Variants in CUTC observed in about 807,000 individuals in gnomAD.
CUTC encodes cutC copper transporter.
In CUTC, 27 loss-of-function variants were observed where a neutral mutation model predicts 36.2. The observed-to-expected ratio is 0.75, with a 90% CI of 0.55 to 1.03. The LOEUF is 1.03. Among genes scored for constraint, CUTC ranks in the 50% least tolerant of loss-of-function variants. The probability of loss-of-function intolerance (pLI) is 0.00; values close to 1 mark genes in which losing one functional copy is unlikely to be tolerated. For missense variants in CUTC, 315 were observed against 343.5 expected (o/e 0.92, Z 0.66); for synonymous variants, 114 against 118.3 (o/e 0.96, Z 0.24).
chr10:99,752,689 A>G (rs894673112), intron 7 of CUTC, among the ~76,000 whole-genome samples: 9 of 152,220 alleles, frequency 5.9e-5, no homozygotes, highest in Non-Finnish European at 1.0e-4. Context: ...TACACAAGAA[A>G]CTACGTTCTC....
chr10:99,743,849 A>G (rs1242564614), intron 4 of CUTC, among the ~76,000 whole-genome samples, 188 bp from the exon 5 acceptor site: 4 of 152,232 alleles, frequency 2.6e-5, no homozygotes, highest in South Asian at 2.1e-4. Context: ...TTTTTTGTAT[A>G]AAAATCAGAG....
At chr10:99,741,993 C>CT (rs1348940279) in intron 3 of CUTC, among the ~76,000 whole-genome samples, 1 of 152,192 alleles carries the variant, frequency 6.6e-6, no homozygotes, top group Non-Finnish European at 1.5e-5. Context: ...TCTTCCTGAA[C>CT]TCTAAGCTTT....
chr10:99,755,106 G>A (rs747407008), intron 8 of CUTC, among the ~76,000 whole-genome samples: 1 of 152,000 alleles, frequency 6.6e-6, no homozygotes, highest in Non-Finnish European at 1.5e-5. Context: ...TATTATATGG[G>A]GTTTTTTAAA....
intron 2 of CUTC, 27 bp from the exon 3 acceptor site, chr10:99,739,683 G>C (rs765524593): frequency 6.2e-7 from 1 of 1,603,170 alleles, no homozygotes; most frequent in South Asian, 1.1e-5. Flanking sequence ...TTTTAAAAAT[G>C]TGTTGAGCAA....
At chr10:99,734,499 A>C (rs1437908384) in intron 1 of CUTC, among the ~76,000 whole-genome samples, 1 of 152,220 alleles carries the variant, frequency 6.6e-6, no homozygotes, top group East Asian at 1.9e-4. Flanking sequence ...AGAAAAAATA[A>C]AGCAATAAAG....
intron 1 of CUTC, among the ~76,000 whole-genome samples, chr10:99,735,356 CTG>C (rs754748612): frequency 6.6e-6 from 1 of 151,970 alleles, no homozygotes; most frequent in Non-Finnish European, 1.5e-5. Flanking sequence ...AGAAGGAACT[CTG>C]GGTTGAGGAG....
intron 1 of CUTC, among the ~76,000 whole-genome samples, chr10:99,735,931 G>A (rs1163236830): frequency 2.0e-5 from 3 of 152,158 alleles, no homozygotes; most frequent in African/African-American, 7.2e-5. Context: ...TATTCTGCAG[G>A]CATTGAGAAG....
intron 5 of CUTC, among the ~76,000 whole-genome samples, chr10:99,746,338 C>A (rs2037377521): frequency 6.6e-6 from 1 of 152,132 alleles, no homozygotes; most frequent in South Asian, 2.1e-4. Context: ...TAGAGGGGAA[C>A]AACACACACT....
At chr10:99,754,325 T>C (rs1415210484) in intron 7 of CUTC, among the ~76,000 whole-genome samples, 1 of 152,236 alleles carries the variant, frequency 6.6e-6, no homozygotes, top group Non-Finnish European at 1.5e-5. Context: ...TTCTATAAAC[T>C]TAATGGTACT....
intron 4 of CUTC, among the ~76,000 whole-genome samples, chr10:99,743,623 G>A (rs1250347889): frequency 6.6e-6 from 1 of 152,140 alleles, no homozygotes; most frequent in East Asian, 1.9e-4. Flanking sequence ...AATTTACCAT[G>A]GTTCCTTTAA....
Position 99,754,393 on chromosome 10 carries a change from G to T in CUTC, c.602-136G>T, listed in dbSNP as rs564690041. 9.8e-5 allele frequency: 66 copies of T among 673,110 alleles called. No homozygotes were observed. The African/African-American group carries it at 1.1e-3, about 11-fold the overall frequency. 41.7% of individuals were successfully genotyped at this position (673,110 alleles called of 1,614,324 possible). On this transcript the variant is annotated intron_variant, in intron 7 of 8. Coordinates refer to ENST00000370476, the MANE Select transcript of CUTC (RefSeq NM_015960.3). ...CACTTCTCTAATCTCATTCTAGCTG[G>T]GTAGGGAGAGACTAATTTTTGAATC...
intron 7 of CUTC, among the ~76,000 whole-genome samples, chr10:99,752,331 G>A (rs2037425358): frequency 1.3e-5 from 2 of 151,070 alleles, no homozygotes; most frequent in Non-Finnish European, 2.9e-5. Context: ...AGTGAGCTAT[G>A]ATCGCACCAC....
Position 99,743,288 on chromosome 10 carries a change from G to T in CUTC, c.329G>T (p.Gly110Val), listed in dbSNP as rs1487103606. 1 of 1,614,012 alleles carries T rather than the reference G, an allele frequency of 6.2e-7. No individual in the cohort carries two copies. The highest frequency in any genetic ancestry group is 1.3e-5 in the African/African-American group (1 of 74,906). The change falls in exon 4 of 9, where the codon GGT becomes GTT. Residue 110 changes from glycine (G) to valine (V), a missense_variant. Physicochemically the swap from Gly to Val is moderately radical, Grantham distance 109. Coordinates refer to ENST00000370476, the MANE Select transcript of CUTC (RefSeq NM_015960.3). ...KADIRLAKLY[G>V]ADGLVFGALT... is the part of the protein sequence containing the mutation. ...GACATTCGTCTTGCCAAGCTTTATG[G>T]TGCTGATGGTTTGGTTTTTGGGGCA...
Position 99,743,082 on chromosome 10 carries a change from G to A in CUTC, c.194-71G>A, listed in dbSNP as rs1294529612. The A allele has an allele frequency of 2.1e-6, 3 of 1,455,732 alleles. No individual in the cohort carries two copies. The African/African-American group carries it at 4.2e-5, about 20-fold the overall frequency. 90.2% of individuals were successfully genotyped at this position (1,455,732 alleles called of 1,614,324 possible). On this transcript the variant is annotated intron_variant, in intron 3 of 8. Transcript: ENST00000370476. ...TACCTTTTAGAGCCATCTTTGTCTG[G>A]TAAATGACCAATAATATATCATTGG...
chr10:99,749,505 G>A (rs1035173524), intron 6 of CUTC, among the ~76,000 whole-genome samples: 8 of 151,964 alleles, frequency 5.3e-5, no homozygotes, highest in Non-Finnish European at 7.4e-5. Context: ...TATGGAAGGC[G>A]AAAAGAAATG....
chr10:99,753,649 G>T (rs1301782804), intron 7 of CUTC, among the ~76,000 whole-genome samples: 1 of 152,132 alleles, frequency 6.6e-6, no homozygotes, highest in Non-Finnish European at 1.5e-5. Context: ...GAGCTCAAGT[G>T]ATACTCCTGC....
chr10:99,754,874 C>A (rs1439182629), intron 8 of CUTC, among the ~76,000 whole-genome samples: 1 of 152,152 alleles, frequency 6.6e-6, no homozygotes, highest in Non-Finnish European at 1.5e-5. Context: ...TGAACTTAGA[C>A]CAGTTAATAG....
intron 2 of CUTC, among the ~76,000 whole-genome samples, chr10:99,738,876 A>G (rs2037318596): frequency 6.6e-6 from 1 of 152,172 alleles, no homozygotes; most frequent in Non-Finnish European, 1.5e-5. Flanking sequence ...TAATAAATTT[A>G]GCAACCCATA....
chr10:99,732,562 T>G (rs2037222490), intron 1 of CUTC, 153 bp downstream of exon 1: 2 of 1,445,202 alleles, frequency 1.4e-6, no homozygotes, highest in Non-Finnish European at 1.8e-6. Flanking sequence ...GCGTTAAAGG[T>G]GTGGAAACGG....
Sources: allele counts gnomAD v4.1 joint callset (sites outside exome capture counted in the v4.1 genomes callset), GRCh38; gene constraint gnomAD v4.1.1; transcripts MANE v1.5; gene names NCBI Gene and HGNC (gene_info 2026-07-23, HGNC 2026-07-21).